Variants in RASGRP3 observed in about 807,000 individuals in gnomAD.
The protein encoded by RASGRP3 is RAS guanyl releasing protein 3, also known as ras guanyl-releasing protein 3.
A neutral mutation model predicts 82.7 loss-of-function variants in RASGRP3; 54 were observed. The ratio of observed to expected loss-of-function variants is 0.65; its 90% CI spans 0.52 to 0.82. RASGRP3 has a LOEUF of 0.82. RASGRP3 is among the 40% of genes least tolerant of loss of function. The pLI, the probability that RASGRP3 is intolerant of heterozygous loss-of-function variation, is 0.00. For synonymous variants in RASGRP3, 309 were observed against 300.5 expected, an observed-to-expected ratio of 1.03 and a Z score of -0.29; for missense variants, 861 against 828.9, an observed-to-expected ratio of 1.04 and a Z score of -0.48.
At chr2:33,437,257 T>C (rs902390326) in intron 1 of RASGRP3, among the ~76,000 whole-genome samples, 5 of 152,218 alleles carry the variant, frequency 3.3e-5, no homozygotes, top group African/African-American at 1.2e-4. Flanking sequence ...TTGAAAAATG[T>C]CACTGGGTTT....
chr2:33,437,060 A>G lies in RASGRP3; in HGVS notation c.-385+469A>G, dbSNP rs543984643. Among the ~76,000 whole-genome samples the G allele has an allele frequency of 1.1e-4, 17 of 152,312 alleles. 1 individual carries two copies. The South Asian group carries it at 3.3e-3, about 30-fold the overall frequency. ...ATATAAAATTTAAATTTTGTATAAA[A>G]TTAAGCAAAGATAACAAATTTTAAT... On this transcript the variant is annotated intron_variant, in intron 1 of 18. Transcript: ENST00000402538.
intron 9 of RASGRP3, among the ~76,000 whole-genome samples, chr2:33,526,698 T>G (rs1035875232): frequency 3.3e-5 from 5 of 152,216 alleles, no homozygotes; most frequent in Non-Finnish European, 7.3e-5. Flanking sequence ...GAACCACAGC[T>G]ATCTCACACC....
chr2:33,453,968 G>T (rs1052255281), intron 2 of RASGRP3, among the ~76,000 whole-genome samples: 1 of 152,168 alleles, frequency 6.6e-6, no homozygotes, highest in Non-Finnish European at 1.5e-5. Context: ...AAATCAAGGT[G>T]TCAGCAGGTT....
chr2:33,456,904 ATTT>A (rs10660284), intron 2 of RASGRP3, among the ~76,000 whole-genome samples: 3 of 134,706 alleles, frequency 2.2e-5, no homozygotes. Context: ...AGTGCTTTCT[ATTT>A]TTTTTTTTTT....
intron 2 of RASGRP3, among the ~76,000 whole-genome samples, chr2:33,514,500 C>G (rs1360057124): frequency 2.7e-5 from 2 of 74,046 alleles, no homozygotes; most frequent in African/African-American, 9.8e-5. Flanking sequence ...AAAACCCCAT[C>G]TCTACAAAAA....
intron 1 of RASGRP3, among the ~76,000 whole-genome samples, chr2:33,494,548 C>T (rs558829170): frequency 1.3e-5 from 2 of 152,286 alleles, no homozygotes; most frequent in South Asian, 4.1e-4. Context: ...TAAGCTGTGA[C>T]TCGTAGTCAA....
chr2:33,540,620 TC>T (rs1674206816), intron 12 of RASGRP3, among the ~76,000 whole-genome samples: 1 of 62,468 alleles, frequency 1.6e-5, no homozygotes, highest in East Asian at 3.8e-4. Context: ...GGAATTTCTC[TC>T]TCTCTCTCTC....
At chr2:33,478,474 G>A (rs1667577475) in intron 1 of RASGRP3, among the ~76,000 whole-genome samples, 1 of 152,074 alleles carries the variant, frequency 6.6e-6, no homozygotes, top group Non-Finnish European at 1.5e-5. Flanking sequence ...AGAACCCTCT[G>A]GTGAAATTGT....
intron 1 of RASGRP3, among the ~76,000 whole-genome samples, chr2:33,492,430 G>A (rs560774459): frequency 6.6e-6 from 1 of 152,052 alleles, no homozygotes; most frequent in African/African-American, 2.4e-5. Flanking sequence ...CCAGTCCTTG[G>A]TTGAGAGCCT....
intron 1 of RASGRP3, chr2:33,493,264 C>T (rs72804238): frequency 0.099 from 15,141 of 152,242 alleles, 788 homozygotes; most frequent in Middle Eastern, 0.12. Context: ...ATCCACTTAT[C>T]CCATCCCTAT....
intron 1 of RASGRP3, among the ~76,000 whole-genome samples, chr2:33,503,449 C>A (rs1262762248): frequency 6.6e-6 from 1 of 152,016 alleles, no homozygotes; most frequent in Non-Finnish European, 1.5e-5. Context: ...ATTTGTTTTT[C>A]TTTTAGAGAA....
At chr2:33,558,485 A>T (rs1676265172) in intron 16 of RASGRP3, 149 bp downstream of exon 16, 2 of 1,309,618 alleles carry the variant, frequency 1.5e-6, no homozygotes, top group East Asian at 2.5e-5. Context: ...TAAACCCTTG[A>T]ATCATCCTTG....
rs936585432 is a variant in RASGRP3, at chr2:33,562,843, C to T, written c.*106C>T. ...CTCAGGAAGTTATCTGGAAAGATAC[C>T]TGGATGTTTACTGCCTTGGGACACT... On this transcript the variant is annotated 3_prime_UTR_variant, in exon 18 of 18. Coordinates refer to ENST00000403687, the MANE Select transcript of RASGRP3 (RefSeq NM_001139488.2). 3.5e-6 allele frequency: 5 copies of T among 1,439,062 alleles called. No homozygotes were observed. In the African/African-American group the frequency reaches 7.0e-5, roughly 20 times the overall value. 89.1% of individuals were successfully genotyped at this position (1,439,062 alleles called of 1,614,324 possible). A position where few individuals can be genotyped will look rare whatever the true frequency, so the allele number is the denominator to read the frequency against.
At position 33,511,338 on chromosome 2, in the gene RASGRP3, G is replaced by A. The variant is rs139249262; in HGVS notation, c.-260-372G>A. ...TAGTGATTTAGGGTCAGAGTTTAGT[G>A]ATCATGACCACAGACTGTTTTAAGG... On this transcript the variant is annotated intron_variant, in intron 1 of 17. Coordinates refer to ENST00000403687, the MANE Select transcript of RASGRP3 (RefSeq NM_001139488.2). Among the ~76,000 whole-genome samples, 1,438 of 152,282 alleles carry A rather than the reference G, an allele frequency of 9.4e-3. 97 individuals are homozygous for A. The highest frequency in any genetic ancestry group is 0.086 in the Admixed American group (1,315 of 15,302).
intron 2 of RASGRP3, among the ~76,000 whole-genome samples, chr2:33,453,272 T>G (rs942032348): frequency 6.6e-6 from 1 of 152,230 alleles, no homozygotes; most frequent in Non-Finnish European, 1.5e-5. Flanking sequence ...TACCTTTGTT[T>G]CCTTTTGAAA....
At chr2:33,537,590 GC>G (rs1422534318) in intron 11 of RASGRP3, among the ~76,000 whole-genome samples, 1 of 151,880 alleles carries the variant, frequency 6.6e-6, no homozygotes, top group Non-Finnish European at 1.5e-5. Context: ...CAAACTCCTG[GC>G]CTCAGGTGAT....
chr2:33,559,926 TC>T (rs1413724095), intron 17 of RASGRP3, among the ~76,000 whole-genome samples: 1 of 152,154 alleles, frequency 6.6e-6, no homozygotes, highest in East Asian at 1.9e-4. Flanking sequence ...AGCCAGAAAT[TC>T]CCCTAGTTCC....
intron 10 of RASGRP3, among the ~76,000 whole-genome samples, chr2:33,528,238 A>C (rs753282680): frequency 6.6e-6 from 1 of 152,206 alleles, no homozygotes; most frequent in Non-Finnish European, 1.5e-5. Flanking sequence ...CACCTCTCAC[A>C]GTTCCTGGCA....
intron 1 of RASGRP3, among the ~76,000 whole-genome samples, chr2:33,446,401 C>T (rs1665502871): frequency 6.6e-6 from 1 of 152,168 alleles, no homozygotes; most frequent in African/African-American, 2.4e-5. Context: ...TCATGATCCA[C>T]CCGCCTCGGC....
Sources: gnomAD v4.1 joint callset for allele counts (sites outside exome capture counted in the v4.1 genomes callset) on GRCh38, gnomAD v4.1.1 for gene constraint, MANE v1.5 for transcripts, NCBI Gene and HGNC (gene_info 2026-07-23, HGNC 2026-07-21) for gene names.